The following SIPA1L3 variants were observed in gnomAD, a reference collection of about 807,000 sequenced individuals.
SIPA1L3 encodes signal induced proliferation associated 1 like 3.
Under a neutral mutation model 150.1 loss-of-function variants are expected in SIPA1L3, and 59 were observed. The ratio of observed to expected loss-of-function variants is 0.39; its 90% CI spans 0.32 to 0.49. The LOEUF (loss-of-function observed/expected upper bound fraction) is 0.49, where lower values mean the gene tolerates loss of function less well. Among genes scored for constraint, SIPA1L3 ranks in the 20% least tolerant of loss-of-function variants. The pLI, the probability that SIPA1L3 is intolerant of heterozygous loss-of-function variation, is 0.86. For synonymous variants in SIPA1L3, 1,070 were observed against 1,077.6 expected (o/e 0.99, Z 0.14); for missense variants, 2,211 against 2,489.5 (o/e 0.89, Z 2.38).
chr19:38,005,041 C>T (rs770816508), intron 1 of SIPA1L3, among the ~76,000 whole-genome samples: 2 of 152,092 alleles, frequency 1.3e-5, no homozygotes, highest in Non-Finnish European at 2.9e-5. Context: ...CCGGACTAAC[C>T]GGGGCCGAGG....
chr19:38,084,131 T>C (rs56032666), intron 3 of SIPA1L3, among the ~76,000 whole-genome samples: 3 of 90,976 alleles, frequency 3.3e-5, no homozygotes, highest in Non-Finnish European at 6.0e-5. Context: ...AGCATCAGTA[T>C]GGTCAGCCTT....
intron 1 of SIPA1L3, among the ~76,000 whole-genome samples, chr19:37,989,900 T>C (rs1174644935): frequency 6.6e-6 from 1 of 152,164 alleles, no homozygotes; most frequent in Non-Finnish European, 1.5e-5. Flanking sequence ...AGAATGAGCC[T>C]TGGCTTCCCG....
chr19:38,052,940 G>T (rs1969231013), intron 2 of SIPA1L3, among the ~76,000 whole-genome samples: 1 of 152,248 alleles, frequency 6.6e-6, no homozygotes, highest in Non-Finnish European at 1.5e-5. Flanking sequence ...GTGCCGGAGA[G>T]TTCTGGGTGC....
At chr19:37,924,414 C>CT (rs60960790) in intron 1 of SIPA1L3, among the ~76,000 whole-genome samples, 63,430 of 138,130 alleles carry the variant, frequency 0.46, 14,962 homozygotes, top group East Asian at 0.73. Context: ...TGTTTTACAG[C>CT]TTTTTTTTTT....
intron 1 of SIPA1L3, among the ~76,000 whole-genome samples, chr19:37,963,097 G>C (rs1457376743): frequency 6.6e-6 from 1 of 152,158 alleles, no homozygotes; most frequent in Non-Finnish European, 1.5e-5. Flanking sequence ...TCCATCCTTT[G>C]CCAATGGATC....
intron 9 of SIPA1L3, among the ~76,000 whole-genome samples, chr19:38,127,447 T>G (rs1971201957): frequency 1.3e-5 from 2 of 152,006 alleles, no homozygotes; most frequent in African/African-American, 4.8e-5. Context: ...CACCCATGAG[T>G]GGGCTATAAA....
intron 7 of SIPA1L3, among the ~76,000 whole-genome samples, chr19:38,107,190 A>T (rs975397823): frequency 3.9e-5 from 6 of 152,214 alleles, no homozygotes; most frequent in Non-Finnish European, 8.8e-5. Flanking sequence ...TAGCCACCTC[A>T]GCAGAAAGAG....
chr19:38,038,911 T>A (rs1315517685), intron 2 of SIPA1L3, among the ~76,000 whole-genome samples: 2 of 152,182 alleles, frequency 1.3e-5, no homozygotes, highest in Non-Finnish European at 2.9e-5. Flanking sequence ...GGAGACACAG[T>A]CTCACTTTGT....
At chr19:38,151,017 T>C (rs1436898752) in intron 12 of SIPA1L3, among the ~76,000 whole-genome samples, 1 of 152,222 alleles carries the variant, frequency 6.6e-6, no homozygotes, top group African/African-American at 2.4e-5. Flanking sequence ...ACCCAGCATC[T>C]TGACCACATT....
Position 38,020,088 on chromosome 19 carries a change from GTCTC to G in SIPA1L3, c.-378-8991_-378-8988del, listed in dbSNP as rs528133914. ...ACCCTGGGCAACAGAGTGAGACCCC[GTCTC>G]TCTCTCTCTATATATAAATAAATAG... On this transcript the variant is annotated intron_variant, in intron 1 of 21. Transcript: ENST00000222345. 8.8e-4 allele frequency among the ~76,000 whole-genome samples: 120 copies of G among 135,794 alleles called. No individual in the cohort carries two copies. The East Asian group carries it at 0.012, about 14-fold the overall frequency. The allele number at this position is 135,794 out of a possible 152,430, so 89.1% of individuals were successfully genotyped here.
intron 10 of SIPA1L3, among the ~76,000 whole-genome samples, chr19:38,136,468 G>A (rs1417532466): frequency 6.6e-6 from 1 of 152,024 alleles, no homozygotes; most frequent in African/African-American, 2.4e-5. Context: ...GCCGGGCATG[G>A]TGGCAGGCGC....
At chr19:38,025,395 C>G (rs1968484102) in intron 1 of SIPA1L3, among the ~76,000 whole-genome samples, 1 of 152,172 alleles carries the variant, frequency 6.6e-6, no homozygotes, top group Non-Finnish European at 1.5e-5. Context: ...AAGTGGGGCC[C>G]TGGGATAAGC....
intron 12 of SIPA1L3, among the ~76,000 whole-genome samples, chr19:38,147,005 T>C (rs1310727066): frequency 6.6e-6 from 1 of 152,186 alleles, no homozygotes; most frequent in Non-Finnish European, 1.5e-5. Context: ...GCCTTTAGTT[T>C]GTCTTTTTTA....
At chr19:38,095,490 G>A (rs1455449107) in intron 4 of SIPA1L3, among the ~76,000 whole-genome samples, 1 of 152,204 alleles carries the variant, frequency 6.6e-6, no homozygotes. Context: ...ACCTGTACCA[G>A]CTGGAACCTC....
At chr19:38,040,751 A>C (rs1396258529) in intron 2 of SIPA1L3, among the ~76,000 whole-genome samples, 11 of 152,220 alleles carry the variant, frequency 7.2e-5, no homozygotes. Flanking sequence ...CGTGTCTTAA[A>C]ATCATTTGTC....
At chr19:38,060,938 C>T (rs777135675) in intron 2 of SIPA1L3, among the ~76,000 whole-genome samples, 4 of 152,130 alleles carry the variant, frequency 2.6e-5, no homozygotes, top group Non-Finnish European at 5.9e-5. Flanking sequence ...GTGATCTGCC[C>T]GCCTCAGCCT....
At chr19:38,141,638 T>G (rs554922348) in intron 11 of SIPA1L3, among the ~76,000 whole-genome samples, 1 of 152,294 alleles carries the variant, frequency 6.6e-6, no homozygotes, top group South Asian at 2.1e-4. Flanking sequence ...GGGGACCCAG[T>G]GCTGGGGAGC....
At chr19:38,111,337 C>A (rs1970736273) in intron 8 of SIPA1L3, among the ~76,000 whole-genome samples, 1 of 152,098 alleles carries the variant, frequency 6.6e-6, no homozygotes, top group Admixed American at 6.6e-5. Context: ...CAGCTGAGAT[C>A]TTTTCGTACC....
At chr19:37,921,163 C>T (rs555542834) in intron 1 of SIPA1L3, among the ~76,000 whole-genome samples, 8 of 152,332 alleles carry the variant, frequency 5.3e-5, no homozygotes, top group African/African-American at 1.9e-4. Context: ...CAAGATGCAG[C>T]TTGTGACAGT....
Sources: gnomAD v4.1 joint callset for allele counts (sites outside exome capture counted in the v4.1 genomes callset) on GRCh38, gnomAD v4.1.1 for gene constraint, MANE v1.5 for transcripts, NCBI Gene and HGNC (gene_info 2026-07-23, HGNC 2026-07-21) for gene names.